The following OR2L13 variants were observed in gnomAD, a reference collection of about 807,000 sequenced individuals.
OR2L13 encodes olfactory receptor family 2 subfamily L member 13, also known as olfactory receptor 2L13.
A neutral mutation model predicts 15.3 loss-of-function variants in OR2L13; 14 were observed. The ratio of observed to expected loss-of-function variants is 0.91; its 90% confidence interval spans 0.60 to 1.43. The LOEUF (loss-of-function observed/expected upper bound fraction) is 1.43. Among genes scored for constraint, OR2L13 ranks in the 40% most tolerant of loss-of-function variants. The pLI is 0.00. For missense variants in OR2L13, 367 were observed against 387.9 expected, an observed-to-expected ratio of 0.95 and a Z score of 0.45; for synonymous variants, 152 against 142.9, an observed-to-expected ratio of 1.06 and a Z score of -0.45.
At chr1:248,023,179 C>T in the OR2L13 span, 1 of 219,844 alleles carries the variant, frequency 4.5e-6, no homozygotes, top group South Asian at 1.1e-4. Context: ...GGAATCATAT[C>T]ATTCAGCATA....
chr1:248,088,375 G>C, the OR2L13 span, among the ~76,000 whole-genome samples: 1 of 151,922 alleles, frequency 6.6e-6, no homozygotes, highest in Non-Finnish European at 1.5e-5. Flanking sequence ...TTTGTGTTTT[G>C]TTTTTAATCT....
At chr1:248,082,083 A>G in the OR2L13 span, among the ~76,000 whole-genome samples, 20,677 of 148,240 alleles carry the variant, frequency 0.14, 2,757 homozygotes, top group African/African-American at 0.36. Context: ...CAAAGACTTG[A>G]AACCAACCCA....
the OR2L13 span, among the ~76,000 whole-genome samples, chr1:248,008,790 A>G: frequency 6.6e-6 from 1 of 152,202 alleles, no homozygotes; most frequent in African/African-American, 2.4e-5. Flanking sequence ...ATTGGAATTC[A>G]AACACTCCTC....
chr1:248,008,696 A>C, the OR2L13 span, among the ~76,000 whole-genome samples: 840 of 152,270 alleles, frequency 5.5e-3, 3 homozygotes, highest in African/African-American at 0.019. Flanking sequence ...TCTAATAGGC[A>C]TTTACAGAAC....
At chr1:247,955,430 G>C in the OR2L13 span, among the ~76,000 whole-genome samples, 3 of 151,104 alleles carry the variant, frequency 2.0e-5, no homozygotes, top group Non-Finnish European at 3.0e-5. Flanking sequence ...TGTCTTTATA[G>C]CAGCATGTTT....
chr1:247,951,760 G>A, the OR2L13 span, among the ~76,000 whole-genome samples: 118 of 152,220 alleles, frequency 7.8e-4, no homozygotes, highest in African/African-American at 2.6e-3. Context: ...TACAACAGGC[G>A]TGGGCTCTGG....
the OR2L13 span, among the ~76,000 whole-genome samples, chr1:248,082,346 G>A: frequency 0.076 from 101 of 1,322 alleles, 1 homozygote; most frequent in African/African-American, 0.19. Flanking sequence ...CTGTGGTGGG[G>A]TGGGGGGTGG....
chr1:248,029,746 T>C, the OR2L13 span, among the ~76,000 whole-genome samples: 3 of 152,204 alleles, frequency 2.0e-5, no homozygotes, highest in East Asian at 5.8e-4. Flanking sequence ...GCAGATTCAT[T>C]ATTACTGTGG....
the OR2L13 span, among the ~76,000 whole-genome samples, chr1:247,973,335 A>G: frequency 5.1e-4 from 77 of 152,284 alleles, no homozygotes; most frequent in African/African-American, 1.5e-3. Context: ...AGGAAGTCCA[A>G]TTGCCTCTGT....
chr1:247,960,027 A>G, the OR2L13 span, among the ~76,000 whole-genome samples: 1 of 151,958 alleles, frequency 6.6e-6, no homozygotes, highest in Non-Finnish European at 1.5e-5. Context: ...TGATTTTTAG[A>G]GTTTCCAGTT....
the OR2L13 span, among the ~76,000 whole-genome samples, chr1:247,938,543 A>C: frequency 6.6e-6 from 1 of 152,230 alleles, no homozygotes; most frequent in Non-Finnish European, 1.5e-5. Flanking sequence ...ATACAAAAAT[A>C]ATCTGTGATA....
upstream of OR2L13, among the ~76,000 whole-genome samples, chr1:248,091,961 T>A (rs527594351): frequency 4.9e-4 from 75 of 152,144 alleles, no homozygotes; most frequent in Non-Finnish European, 6.3e-4. Flanking sequence ...GTCTCTCCAA[T>A]TCCTTTGATC....
At chr1:248,023,123 A>G in the OR2L13 span, 1 of 361,062 alleles carries the variant, frequency 2.8e-6, no homozygotes, top group Non-Finnish European at 5.0e-6. Flanking sequence ...TTGTAAGGCC[A>G]TAGAATTTCA....
At chr1:248,008,194 A>G in the OR2L13 span, among the ~76,000 whole-genome samples, 1 of 152,156 alleles carries the variant, frequency 6.6e-6, no homozygotes, top group Non-Finnish European at 1.5e-5. Flanking sequence ...TGACCTGAAT[A>G]AATAAACTTT....
At chr1:248,024,013 AT>A in the OR2L13 span, 1 of 152,050 alleles carries the variant, frequency 6.6e-6, no homozygotes, top group African/African-American at 2.4e-5. Flanking sequence ...CAGAAAATAT[AT>A]TTTTATTTTT....
the OR2L13 span, among the ~76,000 whole-genome samples, chr1:248,048,913 T>TTC: frequency 1.2e-3 from 162 of 138,484 alleles, 2 homozygotes; most frequent in African/African-American, 4.5e-3. Context: ...TTCTTTCCTT[T>TTC]TCTCTCTCTC....
chr1:247,951,651 T>A, the OR2L13 span, among the ~76,000 whole-genome samples: 1 of 152,216 alleles, frequency 6.6e-6, no homozygotes, highest in African/African-American at 2.4e-5. Context: ...CTTTTTGTGT[T>A]TTGCTGCAAT....
the OR2L13 span, among the ~76,000 whole-genome samples, chr1:247,962,422 A>G: frequency 1.1e-5 from 1 of 91,802 alleles, no homozygotes; most frequent in East Asian, 3.6e-4. Context: ...GTCAGGAAGC[A>G]GACACTGGCT....
At chr1:247,976,864 T>C in the OR2L13 span, among the ~76,000 whole-genome samples, 1 of 152,214 alleles carries the variant, frequency 6.6e-6, no homozygotes, top group South Asian at 2.1e-4. Flanking sequence ...CTTCATTACA[T>C]TAAGGATACA....
Sources: allele counts gnomAD v4.1 joint callset (sites outside exome capture counted in the v4.1 genomes callset), GRCh38; gene constraint gnomAD v4.1.1; transcripts MANE v1.5; gene names NCBI Gene and HGNC (gene_info 2026-07-23, HGNC 2026-07-21).